RHPN1: variants seen among roughly 807,000 people sequenced by gnomAD.
RHPN1 encodes the protein rhophilin Rho GTPase binding protein 1.
In RHPN1, 77 loss-of-function variants were observed where a neutral mutation model predicts 74.7. The ratio of observed to expected loss-of-function variants is 1.03; its 90% confidence interval spans 0.86 to 1.25. The LOEUF (loss-of-function observed/expected upper bound fraction) is 1.25. Among genes scored for constraint, RHPN1 ranks in the 50% most tolerant of loss-of-function variants. The pLI is 0.00. For synonymous variants in RHPN1, 444 were observed against 414.5 expected (o/e 1.07, Z -0.87); for missense variants, 987 against 932.2 (o/e 1.06, Z -0.77).
chr8:143,368,189 G>A (rs1817602431), upstream of RHPN1: 1 of 153,838 alleles, frequency 6.5e-6, no homozygotes, highest in Admixed American at 6.5e-5. Context: ...GGTTCTGTAC[G>A]GAGGTTCTGG....
chr8:143,382,790 T>A lies in RHPN1; in HGVS notation c.*139T>A. 1.4e-6 allele frequency: 1 copy of A among 700,092 alleles called. No individual in the cohort carries two copies. The highest frequency in any genetic ancestry group is 2.4e-6 in the Non-Finnish European group (1 of 420,612). 43.4% of individuals were successfully genotyped at this position (700,092 alleles called of 1,614,324 possible). A position where few individuals can be genotyped will look rare whatever the true frequency, so the allele number is the denominator to read the frequency against. On this transcript the variant is annotated 3_prime_UTR_variant, in exon 15 of 15. Coordinates refer to ENST00000289013, the MANE Select transcript of RHPN1 (RefSeq NM_052924.3). Reference sequence around the variant, plus strand: ...CTGCCTCGGGCACCTGCCTGCCCATTAAAGACTGGTCAGACCTGTCTGAGC... The same window carrying A: ...CTGCCTCGGGCACCTGCCTGCCCATAAAAGACTGGTCAGACCTGTCTGAGC...
chr8:143,379,495 A>T lies in RHPN1; in HGVS notation c.932A>T (p.Gln311Leu). Residue 311 changes from glutamine to leucine, a missense_variant, in exon 8 of 15, where the codon CAG (glutamine) becomes CTG (leucine). Transcript: ENST00000289013. ...TGCCTGGCCCAGCTGCGCCTGGCGC[A>T]GGAGGCCGCCCAGGTGAGCTCGGGC... ...QDCLAQLRLA[Q>L]EAAQVAAEYR... 1 of 1,555,486 alleles carries T rather than the reference A, an allele frequency of 6.4e-7. No homozygotes were observed. The highest frequency in any genetic ancestry group is 1.4e-5 in the African/African-American group (1 of 73,386).
intron 1 of RHPN1, among the ~76,000 whole-genome samples, chr8:143,374,541 G>A (rs2450769): frequency 0.026 from 3,927 of 152,362 alleles, 202 homozygotes; most frequent in African/African-American, 0.089. Context: ...TCAAAGCATG[G>A]AAGGAGTGGG....
At position 143,381,847 on chromosome 8, in the gene RHPN1, A is replaced by G. The variant is rs1818757072; in HGVS notation, c.1676A>G (p.Asn559Ser). Residue 559 changes from asparagine to serine, a missense_variant, in exon 14 of 15, where the codon AAT becomes AGT. By Grantham distance (46) the Asn-to-Ser change is conservative. Transcript: ENST00000289013. Reference sequence around the variant, plus strand: ...GAGGGCGACTACATTGTGTCAGTGAATGGGCAGCCATGCAGGTGGTGGAGA... The same window carrying G: ...GAGGGCGACTACATTGTGTCAGTGAGTGGGCAGCCATGCAGGTGGTGGAGA... ...LKEGDYIVSVNGQPCRWWRHA... is the reference protein window; with the variant it reads ...LKEGDYIVSVSGQPCRWWRHA... 10 of 1,612,886 alleles carry G rather than the reference A, an allele frequency of 6.2e-6. No individual in the cohort carries two copies. The highest frequency in any genetic ancestry group is 2.7e-5 in the African/African-American group (2 of 74,950).
intron 1 of RHPN1, among the ~76,000 whole-genome samples, chr8:143,369,929 G>C (rs1817715289): frequency 6.6e-6 from 1 of 152,218 alleles, no homozygotes; most frequent in Non-Finnish European, 1.5e-5. Flanking sequence ...GCCAGGGTTT[G>C]GCTTCAGGTC....
At chr8:143,368,652 G>A (rs1817623206), upstream of RHPN1, 3 of 194,022 alleles carry the variant, frequency 1.5e-5, no homozygotes, top group African/African-American at 2.3e-5. Flanking sequence ...GCCAGCCGCG[G>A]GCGTTCCGGC....
chr8:143,379,105 G>A, intron 7 of RHPN1, 27 bp downstream of exon 7: 1 of 1,467,504 alleles, frequency 6.8e-7, no homozygotes, highest in East Asian at 2.5e-5. Flanking sequence ...CCGCGGTGGG[G>A]CACGGCGCGG....
chr8:143,368,468 C>G (rs894718779), upstream of RHPN1: 1 of 152,546 alleles, frequency 6.6e-6, no homozygotes, highest in African/African-American at 2.4e-5. Context: ...CGAAACGGCG[C>G]GAGCGGGCAG....
chr8:143,373,783 C>T (rs1478200331), intron 1 of RHPN1, among the ~76,000 whole-genome samples: 1 of 151,986 alleles, frequency 6.6e-6, no homozygotes, highest in African/African-American at 2.4e-5. Flanking sequence ...CCCATGGCCA[C>T]CTCCATGTGA....
At chr8:143,380,406 C>T in intron 10 of RHPN1, 183 bp from the exon 11 acceptor site, 1 of 665,714 alleles carries the variant, frequency 1.5e-6, no homozygotes, top group Non-Finnish European at 2.5e-6. Flanking sequence ...CAGCTCATCC[C>T]TGGCCCCTGC....
chr8:143,382,054 T>A, intron 14 of RHPN1, 86 bp downstream of exon 14: 1 of 1,328,578 alleles, frequency 7.5e-7, no homozygotes, highest in Non-Finnish European at 1.0e-6. Flanking sequence ...TTGAGCAACA[T>A]TGGGAAGGGG....
At chr8:143,370,211 T>C (rs1817734152) in intron 1 of RHPN1, among the ~76,000 whole-genome samples, 1 of 152,132 alleles carries the variant, frequency 6.6e-6, no homozygotes, top group Non-Finnish European at 1.5e-5. Flanking sequence ...GTGCCTGGGC[T>C]CCCTGTCCTG....
Position 143,379,942 on chromosome 8 carries a change from C to T in RHPN1, c.1059C>T (p.Ser353=). ...ATGTCAAGGCCGAGTACTTCCGCTC[C>T]CTGGCCCACTACCACGTAGCCATGG... ...LVHVKAEYFR[S]LAHYHVAMAL... Residue 353 remains serine, a synonymous_variant, in exon 9 of 15, where the codon TCC becomes TCT. Transcript: ENST00000289013. 6.3e-7 allele frequency: 1 copy of T among 1,584,390 alleles called. No individual in the cohort carries two copies. The highest frequency in any genetic ancestry group is 8.6e-7 in the Non-Finnish European group (1 of 1,166,358).
chr8:143,364,692 G>A (rs1412293499), upstream of RHPN1, among the ~76,000 whole-genome samples: 1 of 152,116 alleles, frequency 6.6e-6, no homozygotes. The surrounding 1 kb of genome is among the most constrained non-coding windows in gnomAD (Gnocchi z 4.5). Flanking sequence ...TGACTGGGGA[G>A]GGATTGATGG....
rs906302168 is a variant in RHPN1, at chr8:143,383,895, C to T, written c.*1244C>T. ...AGACCCCTGCCCTCTTGTCCAGTCC[C>T]TTCCGAGGGTCCGCAGGTGAGAGCA... is the stretch of plus-strand genomic sequence containing the variant. On this transcript the variant is annotated 3_prime_UTR_variant, in exon 15 of 15. Transcript: ENST00000289013. 12 of 152,358 alleles carry T rather than the reference C, an allele frequency of 7.9e-5. No homozygotes were observed. Among genetic ancestry groups the T allele is most frequent in the African/African-American group, 2.9e-4 (12 of 41,458 alleles). 9.4% of individuals were successfully genotyped at this position (152,358 alleles called of 1,614,324 possible). A position where few individuals can be genotyped will look rare whatever the true frequency, so the allele number is the denominator to read the frequency against.
Position 143,379,149 on chromosome 8 carries a change from A to C in RHPN1, c.751+71A>C, listed in dbSNP as rs150599324. ...TGTTGCAGAGCCCCTTTTGCAGGGC[A>C]GGAGCTGGGGAGTGGTTAGGACATC... On this transcript the variant is annotated intron_variant, in intron 7 of 14. Transcript: ENST00000289013. 4,367 of 1,428,988 alleles carry C rather than the reference A, an allele frequency of 3.1e-3. 14 individuals are homozygous for C. The highest frequency in any genetic ancestry group is 7.0e-3 in the Middle Eastern group (28 of 3,986). 88.5% of individuals were successfully genotyped at this position (1,428,988 alleles called of 1,614,324 possible). A position where few individuals can be genotyped will look rare whatever the true frequency, so the allele number is the denominator to read the frequency against.
chr8:143,374,055 C>G (rs1405293044), intron 1 of RHPN1: 4 of 928,062 alleles, frequency 4.3e-6, no homozygotes, highest in African/African-American at 1.8e-5. Context: ...GGAAATCAAA[C>G]CTTTCTTGTA....
chr8:143,380,666 G>C lies in RHPN1; in HGVS notation c.1294G>C (p.Glu432Gln), dbSNP rs747003185. The change falls in exon 11 of 15, where the codon GAG (glutamate) becomes CAG (glutamine). Residue 432 changes from glutamate (E) to glutamine (Q), a missense_variant. Transcript: ENST00000289013. ...GCACGCCCTGTGCCGCGTCCTGCGC[G>C]AGGTGGACCTGCTTCGGGCTGTGAT... ...RLHALCRVLR[E>Q]VDLLRAVISQ... The C allele has an allele frequency of 6.4e-7, 1 of 1,574,784 alleles. No homozygotes were observed. Among genetic ancestry groups the C allele is most frequent in the Admixed American group, 1.8e-5 (1 of 54,642 alleles).
chr8:143,378,308 T>G lies in RHPN1; in HGVS notation c.421T>G (p.Tyr141Asp). The change falls in exon 5 of 15, where the codon TAC (tyrosine) becomes GAC (aspartate). Residue 141 changes from tyrosine to aspartate, a missense_variant. Coordinates refer to ENST00000289013, the MANE Select transcript of RHPN1 (RefSeq NM_052924.3). ...SVHFGEDGAS[Y>D]EAEIRELEAL... ...GCACTTTGGAGAGGACGGCGCCTCC[T>G]ACGAGGCAGAAATCAGGGAGCTGGA... 1 of 1,570,272 alleles carries G rather than the reference T, an allele frequency of 6.4e-7. No individual in the cohort carries two copies. Among genetic ancestry groups the G allele is most frequent in the Non-Finnish European group, 8.6e-7 (1 of 1,158,302 alleles).
Sources: allele counts gnomAD v4.1 joint callset (sites outside exome capture counted in the v4.1 genomes callset), GRCh38; gene constraint gnomAD v4.1.1; non-coding constraint Gnocchi (gnomAD v3.1); transcripts MANE v1.5; gene names NCBI Gene and HGNC (gene_info 2026-07-23, HGNC 2026-07-21).